Variants in SSR3 observed in about 807,000 individuals in gnomAD.
The protein encoded by SSR3 is translocon-associated protein subunit gamma.
SSR3 carries 10 observed loss-of-function variants against 22.1 expected under a neutral mutation model. The ratio of observed to expected loss-of-function variants is 0.45; its 90% CI spans 0.28 to 0.77. The LOEUF (loss-of-function observed/expected upper bound fraction) is 0.77, where lower values mean the gene tolerates loss of function less well. Among genes scored for constraint, SSR3 ranks in the 30% least tolerant of loss-of-function variants. The probability of loss-of-function intolerance (pLI) is 0.13; values close to 1 mark genes in which losing one functional copy is unlikely to be tolerated. For missense variants in SSR3, 181 were observed against 220.5 expected, an observed-to-expected ratio of 0.82 and a Z score of 1.13; for synonymous variants, 104 against 82.5, an observed-to-expected ratio of 1.26 and a Z score of -1.42.
rs1041385626 is a variant in SSR3, at chr3:156,541,695, T to C, written c.*1508A>G. The C allele has an allele frequency of 6.6e-6, 1 of 152,194 alleles. No homozygotes were observed. Among genetic ancestry groups the C allele is most frequent in the Non-Finnish European group, 1.5e-5 (1 of 68,050 alleles). The allele number at this position is 152,194 out of a possible 1,614,324, so 9.4% of individuals were successfully genotyped here. A position where few individuals can be genotyped will look rare whatever the true frequency, so the allele number is the denominator to read the frequency against. On this transcript the variant is annotated 3_prime_UTR_variant, in exon 5 of 5. Coordinates refer to ENST00000265044, the MANE Select transcript of SSR3 (RefSeq NM_007107.5). ...ACCCTAACTGTACCTTACAGTGATATGTGACTTCTCTAGTCACTCCACATT... is the reference window on the plus strand; with the variant it reads ...ACCCTAACTGTACCTTACAGTGATACGTGACTTCTCTAGTCACTCCACATT...
Position 156,548,946 on chromosome 3 carries a change from T to G in SSR3, c.318A>C (p.Glu106Asp). 6.2e-7 allele frequency: 1 copy of G among 1,613,496 alleles called. No homozygotes were observed. Among genetic ancestry groups the G allele is most frequent in the Non-Finnish European group, 8.5e-7 (1 of 1,179,832 alleles). ...TCCGAGACATCTTTCTATTATCAGC[T>G]TCAGAAAGTTTTCGAGTCACTTCTT... ...VSKEVTRKLS[E>D]ADNRKMSRKE... The change falls in exon 3 of 5, where the codon GAA becomes GAC. Residue 106 changes from glutamate to aspartate, a missense_variant. By Grantham distance (45) the Glu-to-Asp change is conservative. Coordinates refer to ENST00000265044, the MANE Select transcript of SSR3 (RefSeq NM_007107.5).
At chr3:156,552,476 G>C (rs1306383229) in intron 2 of SSR3, among the ~76,000 whole-genome samples, 13 of 152,088 alleles carry the variant, frequency 8.5e-5, no homozygotes, top group Non-Finnish European at 1.9e-4. Flanking sequence ...TGCATGGCAG[G>C]GCGGGCCCTA....
intron 2 of SSR3, among the ~76,000 whole-genome samples, chr3:156,549,564 G>C (rs1461893895): frequency 2.6e-5 from 4 of 152,096 alleles, no homozygotes; most frequent in Admixed American, 2.0e-4. Context: ...TTTCAATCTT[G>C]ATCTTCAACT....
At chr3:156,544,284 G>C (rs562278990) in intron 4 of SSR3, 24 bp downstream of exon 4, 3 of 1,494,956 alleles carry the variant, frequency 2.0e-6, no homozygotes, top group South Asian at 2.9e-5. Flanking sequence ...TTCTAAAAAA[G>C]ATAATCAACC....
intron 1 of SSR3, chr3:156,554,646 T>C (rs1295782260): frequency 3.0e-6 from 1 of 336,750 alleles, no homozygotes; most frequent in Non-Finnish European, 5.5e-6. Flanking sequence ...GCAGTATGCT[T>C]GAGTTTGTCT....
intron 2 of SSR3, among the ~76,000 whole-genome samples, chr3:156,553,011 C>T (rs1254173242): frequency 1.4e-5 from 2 of 146,450 alleles, no homozygotes; most frequent in African/African-American, 2.5e-5. Context: ...TGAAAACAAA[C>T]GTAATTAGCA....
chr3:156,555,070 G>A lies in SSR3; in HGVS notation c.20C>T (p.Ser7Phe), dbSNP rs983523875. 2.9e-5 allele frequency: 47 copies of A among 1,613,740 alleles called. No homozygotes were observed. The highest frequency in any genetic ancestry group is 3.8e-5 in the Non-Finnish European group (45 of 1,179,946). MAPKGS[S>F]KQQSEEDLLL... ...CAGGTCCTCCTCAGACTGCTGTTTG[G>A]AGCTGCCTTTAGGAGCCATGGCGGA... Residue 7 changes from serine to phenylalanine, a missense_variant, in exon 1 of 5, where the codon TCC (serine) becomes TTC (phenylalanine). Physicochemically the swap from Ser to Phe is radical, Grantham distance 155. Transcript: ENST00000265044.
intron 3 of SSR3, among the ~76,000 whole-genome samples, chr3:156,548,233 TAAGC>T (rs1719828964): frequency 6.6e-6 from 1 of 152,206 alleles, no homozygotes; most frequent in Non-Finnish European, 1.5e-5. Flanking sequence ...GATTGTCCAA[TAAGC>T]CTTCTAAGAG....
In SSR3 at chr3:156,541,868, A is replaced by C. The variant is rs1719535690; in HGVS notation, c.*1335T>G. 6.6e-6 allele frequency: 1 copy of C among 152,176 alleles called. No individual in the cohort carries two copies. The highest frequency in any genetic ancestry group is 6.5e-5 in the Admixed American group (1 of 15,272). The allele number at this position is 152,176 out of a possible 1,614,324, so 9.4% of individuals were successfully genotyped here. A position where few individuals can be genotyped will look rare whatever the true frequency, so the allele number is the denominator to read the frequency against. ...TGCATTCCTGCCTGTTTTTCTTCCA[A>C]GTTCTTGCATGGAGCCCAACACATC... On this transcript the variant is annotated 3_prime_UTR_variant, in exon 5 of 5. Transcript: ENST00000265044.
rs1037576001 is a variant in SSR3, at chr3:156,541,147, T to C, written c.*2056A>G. 5 of 152,182 alleles carry C rather than the reference T, an allele frequency of 3.3e-5. No individual in the cohort carries two copies. Among genetic ancestry groups the C allele is most frequent in the South Asian group, 4.1e-4 (2 of 4,824 alleles). The allele number at this position is 152,182 out of a possible 1,614,324, so 9.4% of individuals were successfully genotyped here. A position where few individuals can be genotyped will look rare whatever the true frequency, so the allele number is the denominator to read the frequency against. On this transcript the variant is annotated 3_prime_UTR_variant, in exon 5 of 5. Coordinates refer to ENST00000265044, the MANE Select transcript of SSR3 (RefSeq NM_007107.5). The stretch of plus-strand genomic sequence containing the variant: ...AGAAACTATATTAGGAATATTCGGC[T>C]GATACCCCTATTTCACCACCTCATC...
chr3:156,546,543 T>C (rs1195906158), intron 3 of SSR3, among the ~76,000 whole-genome samples: 2 of 152,238 alleles, frequency 1.3e-5, no homozygotes, highest in Non-Finnish European at 2.9e-5. Context: ...CAGGACTGCC[T>C]GACAGCCTTT....
intron 3 of SSR3, among the ~76,000 whole-genome samples, chr3:156,547,781 T>C (rs1218801741): frequency 6.6e-6 from 1 of 152,162 alleles, no homozygotes; most frequent in Non-Finnish European, 1.5e-5. Context: ...CAAGATCCAG[T>C]GCCAGGAAAG....
intron 3 of SSR3, chr3:156,548,666 G>T (rs1719843550): frequency 3.9e-6 from 2 of 513,280 alleles, no homozygotes; most frequent in Non-Finnish European, 6.7e-6. Context: ...GATAAAAATA[G>T]TACCTACTTC....
chr3:156,540,676 T>C lies in SSR3; in HGVS notation c.*2527A>G, dbSNP rs1168028944. ...TAAGTTAAAATGAAGGAACTAAAAA[T>C]AGGTAAATGAAAATGTTATAACACT... On this transcript the variant is annotated 3_prime_UTR_variant, in exon 5 of 5. Coordinates refer to ENST00000265044, the MANE Select transcript of SSR3 (RefSeq NM_007107.5). 7.7e-6 allele frequency: 1 copy of C among 130,094 alleles called. No homozygotes were observed. The highest frequency in any genetic ancestry group is 7.6e-5 in the Admixed American group (1 of 13,196). 8.1% of individuals were successfully genotyped at this position (130,094 alleles called of 1,614,324 possible). A position where few individuals can be genotyped will look rare whatever the true frequency, so the allele number is the denominator to read the frequency against.
At chr3:156,547,248 T>C (rs1320162801) in intron 3 of SSR3, among the ~76,000 whole-genome samples, 1 of 152,182 alleles carries the variant, frequency 6.6e-6, no homozygotes, top group Non-Finnish European at 1.5e-5. Flanking sequence ...TCATTCCCAA[T>C]TTCAACTGAG....
chr3:156,554,830 G>C (rs112002847), intron 1 of SSR3, 127 bp downstream of exon 1: 1 of 1,274,588 alleles, frequency 7.8e-7, no homozygotes, highest in African/African-American at 1.5e-5. Flanking sequence ...CCGAGCTCAG[G>C]GGAGCTGGAG....
intron 3 of SSR3, 33 bp from the exon 4 acceptor site, chr3:156,544,472 T>C: frequency 6.8e-7 from 1 of 1,472,074 alleles, no homozygotes; most frequent in Non-Finnish European, 9.0e-7. Flanking sequence ...AACAAGCTTA[T>C]AAATATGATT....
chr3:156,548,049 T>C (rs1366763620), intron 3 of SSR3, among the ~76,000 whole-genome samples: 4 of 152,248 alleles, frequency 2.6e-5, no homozygotes, highest in Admixed American at 6.5e-5. Flanking sequence ...ACTTTAACAA[T>C]GGAAGTTCAC....
chr3:156,545,414 A>C (rs1719725882), intron 3 of SSR3, among the ~76,000 whole-genome samples: 1 of 152,214 alleles, frequency 6.6e-6, no homozygotes, highest in African/African-American at 2.4e-5. Flanking sequence ...GTAGGTCATT[A>C]TCAAAAAGGT....
Sources: gnomAD v4.1 joint callset for allele counts (sites outside exome capture counted in the v4.1 genomes callset) on GRCh38, gnomAD v4.1.1 for gene constraint, MANE v1.5 for transcripts, NCBI Gene and HGNC (gene_info 2026-07-23, HGNC 2026-07-21) for gene names.